Variants in PRKN observed in about 807,000 individuals in gnomAD.
The protein encoded by PRKN is E3 ubiquitin-protein ligase parkin.
A neutral mutation model predicts 59.5 loss-of-function variants in PRKN; 56 were observed. That is an observed-to-expected ratio of 0.94 (90% CI 0.76 to 1.18). PRKN has a LOEUF of 1.18. PRKN is among the 50% of genes most tolerant of loss of function. The probability of loss-of-function intolerance (pLI) is 0.00; values close to 1 mark genes in which losing one functional copy is unlikely to be tolerated. For missense variants in PRKN, 657 were observed against 596.4 expected (o/e 1.10, Z -1.06); for synonymous variants, 250 against 222.1 (o/e 1.13, Z -1.12).
At chr6:161,853,926 G>A (rs1316925468) in intron 6 of PRKN, among the ~76,000 whole-genome samples, 1 of 151,886 alleles carries the variant, frequency 6.6e-6, no homozygotes, top group Non-Finnish European at 1.5e-5. Flanking sequence ...CTATGACAAC[G>A]AACACAAAAG....
intron 2 of PRKN, among the ~76,000 whole-genome samples, chr6:162,338,611 C>T (rs569267729): frequency 2.3e-4 from 35 of 152,128 alleles, no homozygotes; most frequent in African/African-American, 8.2e-4. Context: ...ACAACCTACA[C>T]CTCCCAGCCG....
chr6:162,310,265 G>A (rs1190190521), intron 2 of PRKN, among the ~76,000 whole-genome samples: 1 of 152,116 alleles, frequency 6.6e-6, no homozygotes, highest in Non-Finnish European at 1.5e-5. Flanking sequence ...CTCATGTCCA[G>A]GCCAGGTGGC....
Position 162,565,727 on chromosome 6 carries a change from T to C in PRKN, c.8-122254A>G, listed in dbSNP as rs565338139. ...ATACATACATACATACATACATACATACATACATACATATAATGAATGTAA... is the reference window on the plus strand; with the variant it reads ...ATACATACATACATACATACATACACACATACATACATATAATGAATGTAA... On this transcript the variant is annotated intron_variant, in intron 1 of 11. Coordinates refer to ENST00000366898, the MANE Select transcript of PRKN (RefSeq NM_004562.3). Among the ~76,000 whole-genome samples, 40 of 151,424 alleles carry C rather than the reference T, an allele frequency of 2.6e-4. 1 individual carries two copies. The highest frequency in any genetic ancestry group is 5.4e-4 in the Non-Finnish European group (37 of 67,914).
At chr6:161,936,910 C>A (rs1779380759) in intron 6 of PRKN, among the ~76,000 whole-genome samples, 1 of 151,948 alleles carries the variant, frequency 6.6e-6, no homozygotes, top group African/African-American at 2.4e-5. Context: ...CTCAGCCTCC[C>A]AAGTAGCTGG....
In PRKN at chr6:161,456,387, C is replaced by T. The variant is rs1789970945; in HGVS notation, c.1084-69510G>A. 6.6e-6 allele frequency among the ~76,000 whole-genome samples: 1 copy of T among 152,188 alleles called. No individual in the cohort carries two copies. The highest frequency in any genetic ancestry group is 2.1e-4 in the South Asian group (1 of 4,830). On this transcript the variant is annotated intron_variant, in intron 9 of 11. Coordinates refer to ENST00000366898, the MANE Select transcript of PRKN (RefSeq NM_004562.3). The surrounding 1 kb of genome is among the most constrained non-coding windows in gnomAD (Gnocchi z 4.8). ...CAGCTTTTGGACTCTTGGACCTACA[C>T]CAGTGGTTTGCCAGGGGCTCTCAGG... is the stretch of plus-strand genomic sequence containing the variant.
At chr6:162,155,319 T>C (rs905530764) in intron 4 of PRKN, among the ~76,000 whole-genome samples, 1 of 152,172 alleles carries the variant, frequency 6.6e-6, no homozygotes, top group African/African-American at 2.4e-5. Context: ...AAGTGAAAAC[T>C]AATTTAAATA....
chr6:162,569,725 G>C (rs931014415), intron 1 of PRKN: 11 of 553,572 alleles, frequency 2.0e-5, no homozygotes, highest in African/African-American at 1.9e-4. Flanking sequence ...TCCTTCCTAA[G>C]TGAACAGCTG....
At chr6:161,820,524 A>G (rs1170756143) in intron 6 of PRKN, among the ~76,000 whole-genome samples, 2 of 147,828 alleles carry the variant, frequency 1.4e-5, no homozygotes, top group Non-Finnish European at 3.0e-5. Context: ...CATAATTTAA[A>G]AAATAAAAAT....
chr6:162,370,277 C>A (rs891583350), intron 2 of PRKN, among the ~76,000 whole-genome samples: 2 of 152,062 alleles, frequency 1.3e-5, no homozygotes, highest in Non-Finnish European at 2.9e-5. Context: ...TGTTGCCTCT[C>A]ATGGAGATAT....
intron 9 of PRKN, among the ~76,000 whole-genome samples, chr6:161,491,636 CTTT>C (rs35912732): frequency 3.4e-5 from 5 of 148,536 alleles, no homozygotes; most frequent in African/African-American, 5.0e-5. Flanking sequence ...ACTTAACTTC[CTTT>C]TTTTTTTTTG....
At chr6:162,423,746 T>A (rs894027218) in intron 2 of PRKN, among the ~76,000 whole-genome samples, 1 of 152,174 alleles carries the variant, frequency 6.6e-6, no homozygotes, top group Non-Finnish European at 1.5e-5. Context: ...CACTGCTACA[T>A]GGTACCTTAT....
At position 161,578,862 on chromosome 6, in the gene PRKN, G is replaced by C. The variant is rs920954944; in HGVS notation, c.872-9446C>G. On this transcript the variant is annotated intron_variant, in intron 7 of 11. Coordinates refer to ENST00000366898, the MANE Select transcript of PRKN (RefSeq NM_004562.3). This position sits in a 1 kb window ranked among gnomAD's most constrained non-coding sequence, Gnocchi z 4.2. ...CAAAACAACTTAAATATTTTGAATT[G>C]TGTGTATATTCTTGGCGCTTTGCCT... is the stretch of plus-strand genomic sequence containing the variant. Among the ~76,000 whole-genome samples the C allele has an allele frequency of 2.6e-5, 4 of 152,206 alleles. No homozygotes were observed. The highest frequency in any genetic ancestry group is 7.2e-5 in the African/African-American group (3 of 41,456).
chr6:162,341,715 C>G lies in PRKN; in HGVS notation c.172-78950G>C, dbSNP rs1784187203. Among the ~76,000 whole-genome samples the G allele has an allele frequency of 2.6e-5, 4 of 151,732 alleles. No homozygotes were observed. The South Asian group carries it at 6.2e-4, about 24-fold the overall frequency. On this transcript the variant is annotated intron_variant, in intron 2 of 11. Transcript: ENST00000366898. ...AAGTGGGAGTTGAAAAATGAGAACA[C>G]ATGGATACAGGGAGGGGACCAACAC...
chr6:161,553,686 G>A (rs1405132001), intron 8 of PRKN, among the ~76,000 whole-genome samples: 1 of 152,104 alleles, frequency 6.6e-6, no homozygotes, highest in East Asian at 1.9e-4. Flanking sequence ...GAATAGGAAA[G>A]GCAGGATAAA....
In PRKN at chr6:161,440,041, C is replaced by G. The variant is rs1332472023; in HGVS notation, c.1084-53164G>C. Among the ~76,000 whole-genome samples the G allele has an allele frequency of 2.6e-5, 4 of 151,812 alleles. No homozygotes were observed. Among genetic ancestry groups the G allele is most frequent in the African/African-American group, 9.7e-5 (4 of 41,310 alleles). On this transcript the variant is annotated intron_variant, in intron 9 of 11. Coordinates refer to ENST00000366898, the MANE Select transcript of PRKN (RefSeq NM_004562.3). This position sits in a 1 kb window ranked among gnomAD's most constrained non-coding sequence, Gnocchi z 4.1. ...TCTCGGCTCACTGCAAGCTCCACCT[C>G]CCGGGTTCATGCTACTCTCCTGCCT...
chr6:161,567,037 T>TTTTG lies in PRKN; in HGVS notation c.933+2317_933+2318insCAAA, dbSNP rs548743646. 2.7e-3 allele frequency among the ~76,000 whole-genome samples: 285 copies of TTTTG among 103,766 alleles called. 1 individual carries two copies. The highest frequency in any genetic ancestry group is 9.1e-3 in the African/African-American group (232 of 25,360). 68.1% of individuals were successfully genotyped at this position (103,766 alleles called of 152,430 possible). A position where few individuals can be genotyped will look rare whatever the true frequency, so the allele number is the denominator to read the frequency against. On this transcript the variant is annotated intron_variant, in intron 8 of 11. Coordinates refer to ENST00000366898, the MANE Select transcript of PRKN (RefSeq NM_004562.3). Reference sequence around the variant, plus strand: ...CACTGTCCTTGTTTTTTTTTTTTTTTTGTGTGTGTGTGTGTGTGTGTGAGA... The same window carrying TTTTG: ...CACTGTCCTTGTTTTTTTTTTTTTTTTTTGTGTGTGTGTGTGTGTGTGTGTGAGA...
At chr6:162,205,481 T>C (rs1004576506) in intron 3 of PRKN, among the ~76,000 whole-genome samples, 1 of 152,126 alleles carries the variant, frequency 6.6e-6, no homozygotes, top group African/African-American at 2.4e-5. Context: ...CCATCACTAG[T>C]TGTCACTGAG....
intron 6 of PRKN, among the ~76,000 whole-genome samples, chr6:161,803,592 T>G (rs1439262801): frequency 6.6e-6 from 1 of 152,152 alleles, no homozygotes; most frequent in African/African-American, 2.4e-5. Flanking sequence ...CAGCCCCAGC[T>G]CAACTCGGGT....
At chr6:161,881,651 T>G (rs939363861) in intron 6 of PRKN, among the ~76,000 whole-genome samples, 7 of 152,122 alleles carry the variant, frequency 4.6e-5, no homozygotes. Flanking sequence ...CTAAGAAAAC[T>G]GGAATTCAAC....
Sources: gnomAD v4.1 joint callset for allele counts (sites outside exome capture counted in the v4.1 genomes callset) on GRCh38, gnomAD v4.1.1 for gene constraint, Gnocchi (gnomAD v3.1) non-coding constraint, MANE v1.5 for transcripts, NCBI Gene and HGNC (gene_info 2026-07-23, HGNC 2026-07-21) for gene names.